Variants in ADK observed in about 807,000 individuals in gnomAD.
ADK encodes the protein N6,N6-dimethyladenosine kinase.
ADK carries 24 observed loss-of-function variants against 44.7 expected under a neutral mutation model. That is an observed-to-expected ratio of 0.54 (90% CI 0.39 to 0.76). ADK has a LOEUF of 0.76. Ranked by LOEUF, ADK falls within the 30% of genes least tolerant of loss-of-function variation. The pLI is 0.00. For synonymous variants in ADK, 128 were observed against 142.6 expected (o/e 0.90, Z 0.73); for missense variants, 321 against 425.1 (o/e 0.76, Z 2.15).
intron 4 of ADK, among the ~76,000 whole-genome samples, chr10:74,389,808 A>G (rs1390396942): frequency 1.3e-5 from 2 of 152,190 alleles, no homozygotes; most frequent in African/African-American, 4.8e-5. Flanking sequence ...GCAGGTTCAA[A>G]TAATATTTAT....
At chr10:74,278,214 C>T (rs1008133196) in intron 3 of ADK, among the ~76,000 whole-genome samples, 2 of 151,646 alleles carry the variant, frequency 1.3e-5, no homozygotes, top group African/African-American at 4.8e-5. Flanking sequence ...ATTAGCCAGG[C>T]TTAGTGGCAG....
At chr10:74,502,383 G>A (rs1227916405) in intron 6 of ADK, among the ~76,000 whole-genome samples, 1 of 151,944 alleles carries the variant, frequency 6.6e-6, no homozygotes, top group Non-Finnish European at 1.5e-5. Flanking sequence ...GCAGTAATTT[G>A]CCAAAAAGCA....
intron 4 of ADK, among the ~76,000 whole-genome samples, chr10:74,381,879 G>T (rs1168301158): frequency 1.3e-5 from 2 of 152,042 alleles, no homozygotes; most frequent in African/African-American, 4.8e-5. Context: ...AGTGTTGTTG[G>T]GCAGATGTTT....
At chr10:74,230,593 T>C (rs148886999) in intron 3 of ADK, among the ~76,000 whole-genome samples, 85 of 152,164 alleles carry the variant, frequency 5.6e-4, no homozygotes, top group African/African-American at 2.0e-3. Context: ...TTGCTCAGGT[T>C]GGTCTCAAAC....
At chr10:74,451,252 T>C (rs1845768886) in intron 6 of ADK, among the ~76,000 whole-genome samples, 1 of 152,034 alleles carries the variant, frequency 6.6e-6, no homozygotes, top group Admixed American at 6.6e-5. Flanking sequence ...AAAAGTATTC[T>C]GCCCTGATTG....
chr10:74,346,002 C>G (rs1233809909), intron 4 of ADK, among the ~76,000 whole-genome samples: 1 of 152,188 alleles, frequency 6.6e-6, no homozygotes, highest in Non-Finnish European at 1.5e-5. Flanking sequence ...TCAAATGATT[C>G]TTGTGCCTCA....
At chr10:74,667,877 G>A (rs1855020997) in intron 9 of ADK, among the ~76,000 whole-genome samples, 3 of 151,996 alleles carry the variant, frequency 2.0e-5, no homozygotes, top group South Asian at 2.1e-4. Flanking sequence ...AATCTCTTCC[G>A]TTGTCGATTA....
intron 1 of ADK, chr10:74,176,535 G>A: frequency 7.9e-7 from 1 of 1,263,872 alleles, no homozygotes; most frequent in South Asian, 2.0e-5. Context: ...TGTAAACTGC[G>A]GGGTGACGGG....
At chr10:74,525,469 G>C (rs1252260014) in intron 7 of ADK, 43 bp downstream of exon 7, 1 of 1,369,062 alleles carries the variant, frequency 7.3e-7, no homozygotes, top group East Asian at 2.3e-5. Context: ...GGGGTTTTTT[G>C]TTTGTTTATT....
At chr10:74,698,759 A>G (rs982332429) in intron 10 of ADK, among the ~76,000 whole-genome samples, 11 of 152,118 alleles carry the variant, frequency 7.2e-5, no homozygotes, top group Middle Eastern at 3.4e-3. Flanking sequence ...GAATTTTGCC[A>G]TGTTGCCCAG....
intron 1 of ADK, chr10:74,174,398 C>A (rs1378608011): frequency 6.7e-6 from 1 of 149,866 alleles, no homozygotes; most frequent in African/African-American, 2.5e-5. Flanking sequence ...AACCAGATAC[C>A]TTTTGCTACC....
In ADK at chr10:74,367,617, T is replaced by C. The variant is rs78928484; in HGVS notation, c.274-26524T>C. Among the ~76,000 whole-genome samples, 49 of 152,372 alleles carry C rather than the reference T, an allele frequency of 3.2e-4. 1 individual carries two copies. The East Asian group carries it at 5.8e-3, about 18-fold the overall frequency. On this transcript the variant is annotated intron_variant, in intron 4 of 10. Transcript: ENST00000539909. ...TACTCGGTGCTTTTGCAGTCATTTG[T>C]AAACATATTTGGAGAAGCAAAAATT...
Position 74,394,158 on chromosome 10 carries a change from A to G in ADK, c.291A>G (p.Pro97=), listed in dbSNP as rs755002205. 36 of 1,613,924 alleles carry G rather than the reference A, an allele frequency of 2.2e-5. No individual in the cohort carries two copies. The South Asian group carries it at 3.6e-4, about 16-fold the overall frequency. The change falls in exon 5 of 11, where the codon CCA becomes CCG. Residue 97 remains proline (P), a synonymous_variant. Transcript: ENST00000539909. The part of the protein sequence containing the change: ...IKVAQWMIQQ[P]HKAATFFGCI... Reference sequence around the variant, plus strand: ...TTTTACAGTGGATGATTCAACAGCCACACAAAGCAGCAACATTTTTTGGAT... The same window carrying G: ...TTTTACAGTGGATGATTCAACAGCCGCACAAAGCAGCAACATTTTTTGGAT...
chr10:74,298,908 C>T (rs1839907803), intron 3 of ADK, among the ~76,000 whole-genome samples: 1 of 151,974 alleles, frequency 6.6e-6, no homozygotes, highest in Non-Finnish European at 1.5e-5. Context: ...AGCAAGACCC[C>T]ATCTCTAAAA....
At chr10:74,605,583 A>G (rs1467716395) in intron 9 of ADK, among the ~76,000 whole-genome samples, 1 of 152,150 alleles carries the variant, frequency 6.6e-6, no homozygotes. Context: ...CTTGCATCCC[A>G]GGGATGAAGC....
intron 7 of ADK, among the ~76,000 whole-genome samples, chr10:74,577,246 A>C (rs1374061798): frequency 1.3e-5 from 2 of 149,728 alleles, no homozygotes; most frequent in East Asian, 4.0e-4. Context: ...TTTGTTTTTT[A>C]CTTAAGAGAC....
At chr10:74,371,582 TA>T in intron 4 of ADK, 1 of 1,218,820 alleles carries the variant, frequency 8.2e-7, no homozygotes, top group Non-Finnish European at 1.2e-6. Flanking sequence ...AGGATGTCCT[TA>T]AGTTCCTTGC....
At chr10:74,553,348 G>A (rs943893527) in intron 7 of ADK, among the ~76,000 whole-genome samples, 3 of 151,612 alleles carry the variant, frequency 2.0e-5, no homozygotes, top group Non-Finnish European at 2.9e-5. Context: ...CTAGAGGCAC[G>A]CACCACGACA....
At chr10:74,186,189 T>TCCC (rs1425496371) in intron 1 of ADK, among the ~76,000 whole-genome samples, 60 of 136,474 alleles carry the variant, frequency 4.4e-4, no homozygotes, top group Non-Finnish European at 7.5e-4. Flanking sequence ...AGCCTTCCCT[T>TCCC]TCCTTCCCTT....
Sources: allele counts gnomAD v4.1 joint callset (sites outside exome capture counted in the v4.1 genomes callset), GRCh38; gene constraint gnomAD v4.1.1; transcripts MANE v1.5; gene names NCBI Gene and HGNC (gene_info 2026-07-23, HGNC 2026-07-21).